Variants in SYT17 observed in about 807,000 individuals in gnomAD.
SYT17 encodes synaptotagmin 17, also known as synaptotagmin-17.
Under a neutral mutation model 46.7 loss-of-function variants are expected in SYT17, and 22 were observed. The observed-to-expected ratio is 0.47, with a 90% confidence interval of 0.34 to 0.67. The LOEUF (loss-of-function observed/expected upper bound fraction) is 0.67, where lower values mean the gene tolerates loss of function less well. SYT17 is among the 30% of genes least tolerant of loss of function. The pLI, the probability that SYT17 is intolerant of heterozygous loss-of-function variation, is 0.01. For synonymous variants in SYT17, 251 were observed against 248.4 expected, an observed-to-expected ratio of 1.01 and a Z score of -0.10; for missense variants, 519 against 612.8, an observed-to-expected ratio of 0.85 and a Z score of 1.62.
At chr16:19,181,055 A>G (rs1249356078) in intron 4 of SYT17, among the ~76,000 whole-genome samples, 1 of 152,232 alleles carries the variant, frequency 6.6e-6, no homozygotes, top group East Asian at 1.9e-4. Flanking sequence ...AAAGGGGGCC[A>G]GGGTGTCTGC....
intron 5 of SYT17, among the ~76,000 whole-genome samples, chr16:19,207,758 G>A (rs1464005278): frequency 6.6e-6 from 1 of 152,092 alleles, no homozygotes; most frequent in African/African-American, 2.4e-5. Flanking sequence ...AAATGAAAAT[G>A]GGGCCAGGCA....
chr16:19,185,774 G>A (rs1044224593), intron 5 of SYT17, among the ~76,000 whole-genome samples: 3 of 152,184 alleles, frequency 2.0e-5, no homozygotes, highest in South Asian at 2.1e-4. Context: ...ACCTCGCAGC[G>A]AGGGCCTGGC....
chr16:19,222,296 C>CTT (rs36041003), intron 5 of SYT17, among the ~76,000 whole-genome samples: 40 of 150,254 alleles, frequency 2.7e-4, no homozygotes, highest in East Asian at 3.9e-4. Flanking sequence ...TTCTACAATA[C>CTT]TTTTTTTTTT....
chr16:19,208,397 C>T (rs183730093), intron 5 of SYT17, among the ~76,000 whole-genome samples: 1 of 152,152 alleles, frequency 6.6e-6, no homozygotes, highest in Admixed American at 6.5e-5. Context: ...CTGTGGAGGC[C>T]CAGGAAACTT....
chr16:19,208,881 C>CTCCTTTT (rs1965774693), intron 5 of SYT17, among the ~76,000 whole-genome samples: 1 of 54,462 alleles, frequency 1.8e-5, no homozygotes, highest in Non-Finnish European at 4.1e-5. Context: ...CTACAAGGAC[C>CTCCTTTT]TTCTTTTTTT....
Position 19,168,395 on chromosome 16 carries a change from G to T in SYT17, c.-252G>T. Reference sequence around the variant, plus strand: ...GACAGCGAGGGAGGCCGAGGCGGGGGCCCTGGGCGCCCGATATCTCCGAAC... The same window carrying T: ...GACAGCGAGGGAGGCCGAGGCGGGGTCCCTGGGCGCCCGATATCTCCGAAC... On this transcript the variant is annotated 5_prime_UTR_variant, in exon 1 of 8. Coordinates refer to ENST00000355377, the MANE Select transcript of SYT17 (RefSeq NM_016524.4). This position sits in a 1 kb window ranked among gnomAD's most constrained non-coding sequence, Gnocchi z 6.9. 2 of 559,330 alleles carry T rather than the reference G, an allele frequency of 3.6e-6. No homozygotes were observed. The highest frequency in any genetic ancestry group is 6.3e-6 in the Non-Finnish European group (2 of 319,812). 34.6% of individuals were successfully genotyped at this position (559,330 alleles called of 1,614,324 possible).
intron 5 of SYT17, among the ~76,000 whole-genome samples, chr16:19,194,635 A>C (rs1965161597): frequency 6.6e-6 from 1 of 152,196 alleles, no homozygotes; most frequent in Admixed American, 6.5e-5. Flanking sequence ...TCACGCTGTC[A>C]CTGAGGCTGG....
chr16:19,180,808 A>G (rs1201302735), intron 4 of SYT17, among the ~76,000 whole-genome samples: 1 of 152,194 alleles, frequency 6.6e-6, no homozygotes, highest in Non-Finnish European at 1.5e-5. Context: ...ATTGATTAAC[A>G]TTGTCAGTGT....
intron 7 of SYT17, among the ~76,000 whole-genome samples, chr16:19,228,474 C>T (rs1196500505): frequency 6.6e-6 from 1 of 152,176 alleles, no homozygotes; most frequent in Non-Finnish European, 1.5e-5. Context: ...CCTGGCTGTA[C>T]CTTAGAATTA....
intron 5 of SYT17, among the ~76,000 whole-genome samples, chr16:19,214,271 G>C (rs757462067): frequency 2.6e-5 from 4 of 152,198 alleles, no homozygotes; most frequent in African/African-American, 7.2e-5. Flanking sequence ...TGCTGGACTA[G>C]ATGGTCCTGC....
Position 19,189,429 on chromosome 16 carries a change from C to T in SYT17, c.951+5282C>T, listed in dbSNP as rs113989948. The stretch of plus-strand genomic sequence containing the variant: ...AATCATGGCTCAATGCAGCCTTGAA[C>T]TCCTGGGCTCAAGCAATCCTCCTAC... On this transcript the variant is annotated intron_variant, in intron 5 of 7. Transcript: ENST00000355377. Among the ~76,000 whole-genome samples, 1,111 of 149,440 alleles carry T rather than the reference C, an allele frequency of 7.4e-3. 13 individuals are homozygous for T. Among genetic ancestry groups the T allele is most frequent in the African/African-American group, 0.026 (1,060 of 40,406 alleles).
chr16:19,240,979 G>A (rs1967068801), intron 7 of SYT17, among the ~76,000 whole-genome samples: 1 of 128,406 alleles, frequency 7.8e-6, no homozygotes, highest in Non-Finnish European at 1.6e-5. Flanking sequence ...ACGGAGTCTC[G>A]CTCTGTCGCC....
chr16:19,242,725 C>T (rs568861709), intron 7 of SYT17, among the ~76,000 whole-genome samples: 4 of 152,018 alleles, frequency 2.6e-5, no homozygotes, highest in South Asian at 2.1e-4. Context: ...GATGGGGTTT[C>T]GCCATGTTGC....
At chr16:19,252,129 T>C (rs572101678) in intron 7 of SYT17, among the ~76,000 whole-genome samples, 37 of 151,102 alleles carry the variant, frequency 2.4e-4, no homozygotes, top group Non-Finnish European at 4.6e-4. Context: ...GCCACTGCAC[T>C]CCAGCCTGGG....
At chr16:19,254,668 T>C (rs1342186125) in intron 7 of SYT17, among the ~76,000 whole-genome samples, 1 of 152,192 alleles carries the variant, frequency 6.6e-6, no homozygotes, top group Non-Finnish European at 1.5e-5. Flanking sequence ...ACTAGCTCTG[T>C]AGACAGTTTG....
intron 7 of SYT17, among the ~76,000 whole-genome samples, chr16:19,242,924 A>G (rs1967241908): frequency 6.6e-6 from 1 of 152,162 alleles, no homozygotes; most frequent in Non-Finnish European, 1.5e-5. Flanking sequence ...TCCTGGCTCC[A>G]TGAAGAACTG....
rs1479054347 is a variant in SYT17 at position 19,209,905 on chromosome 16, AC to A, written c.952-13139del. 4.0e-4 allele frequency among the ~76,000 whole-genome samples: 60 copies of A among 150,426 alleles called. 1 individual carries two copies. Among genetic ancestry groups the A allele is most frequent in the African/African-American group, 1.4e-3 (56 of 40,778 alleles). ...AACAAAACAAAACAAAACAAAAACA[AC>A]AACAACAACAACAAAAAACCCTAAG... On this transcript the variant is annotated intron_variant, in intron 5 of 7. Transcript: ENST00000355377.
chr16:19,227,812 T>C (rs1316524323), intron 7 of SYT17, among the ~76,000 whole-genome samples: 2 of 152,224 alleles, frequency 1.3e-5, no homozygotes, highest in African/African-American at 4.8e-5. Context: ...TGCCAGGCAG[T>C]GCTTCCAAGT....
chr16:19,251,524 T>G (rs1968065442), intron 7 of SYT17, among the ~76,000 whole-genome samples: 1 of 152,170 alleles, frequency 6.6e-6, no homozygotes, highest in Non-Finnish European at 1.5e-5. Context: ...GGCCAGGACT[T>G]TGTGCCCACC....
Sources: allele counts gnomAD v4.1 joint callset (sites outside exome capture counted in the v4.1 genomes callset), GRCh38; gene constraint gnomAD v4.1.1; non-coding constraint Gnocchi (gnomAD v3.1); transcripts MANE v1.5; gene names NCBI Gene and HGNC (gene_info 2026-07-23, HGNC 2026-07-21).